Variants in SLC39A8 observed in about 807,000 individuals in gnomAD.
SLC39A8 encodes the protein solute carrier family 39 member 8.
A neutral mutation model predicts 40.4 loss-of-function variants in SLC39A8; 15 were observed. The observed-to-expected ratio is 0.37, with a 90% confidence interval of 0.25 to 0.57. The LOEUF (loss-of-function observed/expected upper bound fraction) is 0.57. Ranked by LOEUF, SLC39A8 falls within the 20% of genes least tolerant of loss-of-function variation. The probability of loss-of-function intolerance (pLI) is 0.75; values close to 1 mark genes in which losing one functional copy is unlikely to be tolerated. For missense variants in SLC39A8, 472 were observed against 558.8 expected, an observed-to-expected ratio of 0.84 and a Z score of 1.57; for synonymous variants, 223 against 221.6, an observed-to-expected ratio of 1.01 and a Z score of -0.06.
chr4:102,262,832 G>A lies in SLC39A8; in HGVS notation c.*212C>T. ...ATTTCCCAAAGGCTCCTATATACCA[G>A]GCATCTCAGACTGACACTGAAAACC... On this transcript the variant is annotated 3_prime_UTR_variant, in exon 9 of 9. Transcript: ENST00000356736. 7.5e-7 allele frequency: 1 copy of A among 1,333,828 alleles called. No individual in the cohort carries two copies. The highest frequency in any genetic ancestry group is 2.9e-5 in the East Asian group (1 of 34,678). The allele number at this position is 1,333,828 out of a possible 1,614,324, so 82.6% of individuals were successfully genotyped here.
At chr4:102,256,113 AATT>A (rs1414412464) in intron 11 of SLC39A8, among the ~76,000 whole-genome samples, 3 of 152,224 alleles carry the variant, frequency 2.0e-5, no homozygotes, top group Non-Finnish European at 4.4e-5. Context: ...GCTCGTACAT[AATT>A]ATTAGAGTAA....
At chr4:102,304,284 G>A (rs1734039352) in intron 6 of SLC39A8, 33 bp downstream of exon 6, 3 of 1,558,422 alleles carry the variant, frequency 1.9e-6, no homozygotes, top group Non-Finnish European at 2.6e-6. Context: ...AAAGAATGCA[G>A]TATAATGAAG....
At chr4:102,341,641 A>G (rs139983720) in intron 2 of SLC39A8, among the ~76,000 whole-genome samples, 290 of 152,354 alleles carry the variant, frequency 1.9e-3, no homozygotes, top group African/African-American at 6.3e-3. Flanking sequence ...GTCAGTAGCT[A>G]TAAGAAGCAA....
chr4:102,259,464 CCAAAGTAAATGAAGTTGAGATTTGATGT>C, downstream of SLC39A8: 1 of 1,546,330 alleles, frequency 6.5e-7, no homozygotes, highest in East Asian at 2.4e-5. Flanking sequence ...CCGTATATAT[CCAAAGTAAATGAAGTTGAGATTTGATGT>C]CATCAGTAGC....
chr4:102,327,565 G>A (rs1735270103), intron 2 of SLC39A8, among the ~76,000 whole-genome samples: 1 of 152,092 alleles, frequency 6.6e-6, no homozygotes, highest in Non-Finnish European at 1.5e-5. Context: ...CCAGACTCCA[G>A]ACATCCCTGT....
chr4:102,337,396 C>T (rs1040065592), intron 2 of SLC39A8, among the ~76,000 whole-genome samples: 4 of 152,106 alleles, frequency 2.6e-5, no homozygotes, highest in African/African-American at 9.7e-5. Context: ...GAAAGCATAA[C>T]AGCTGCAAAT....
chr4:102,322,484 T>C (rs1223996034), intron 2 of SLC39A8, among the ~76,000 whole-genome samples: 4 of 152,182 alleles, frequency 2.6e-5, no homozygotes, highest in African/African-American at 9.7e-5. Flanking sequence ...TCATAACCTA[T>C]AGGAAAACAA....
At chr4:102,320,001 C>G (rs1174202173) in intron 2 of SLC39A8, among the ~76,000 whole-genome samples, 1 of 151,246 alleles carries the variant, frequency 6.6e-6, no homozygotes, top group African/African-American at 2.4e-5. Flanking sequence ...CTTCAACCCT[C>G]CCTCTAGAGT....
intron 6 of SLC39A8, among the ~76,000 whole-genome samples, chr4:102,274,895 C>G (rs2149010616): frequency 6.6e-6 from 1 of 152,236 alleles, no homozygotes; most frequent in South Asian, 2.1e-4. Context: ...TACAGACAAT[C>G]AAATGCTGAG....
exon 12 of SLC39A8, chr4:102,251,142 A>G (rs1731576849): frequency 6.6e-6 from 1 of 152,200 alleles, no homozygotes; most frequent in South Asian, 2.1e-4. Flanking sequence ...TGATGCATAT[A>G]ATGTATAGGA....
At chr4:102,292,235 T>C (rs918165008) in intron 6 of SLC39A8, among the ~76,000 whole-genome samples, 1 of 152,076 alleles carries the variant, frequency 6.6e-6, no homozygotes, top group African/African-American at 2.4e-5. Context: ...GGTGAAGTGA[T>C]GAATATGTTA....
intron 6 of SLC39A8, among the ~76,000 whole-genome samples, chr4:102,281,606 A>G (rs1430344122): frequency 6.6e-6 from 1 of 152,208 alleles, no homozygotes; most frequent in African/African-American, 2.4e-5. Flanking sequence ...TGCAACCACC[A>G]TGACAGAACA....
At chr4:102,259,499 T>C, downstream of SLC39A8, 1 of 1,546,786 alleles carries the variant, frequency 6.5e-7, no homozygotes, top group Non-Finnish European at 8.7e-7. Flanking sequence ...ATGTCATCAG[T>C]AGCCCATTTG....
intron 2 of SLC39A8, among the ~76,000 whole-genome samples, chr4:102,328,526 G>C (rs959121796): frequency 3.9e-5 from 6 of 152,258 alleles, no homozygotes; most frequent in African/African-American, 1.4e-4. Flanking sequence ...GGTTATGTTG[G>C]TTTAAAATTA....
At chr4:102,330,773 CAATAA>C (rs1186116152) in intron 2 of SLC39A8, among the ~76,000 whole-genome samples, 2 of 152,154 alleles carry the variant, frequency 1.3e-5, no homozygotes, top group African/African-American at 4.8e-5. Context: ...CAAAACTCCT[CAATAA>C]AATACTGGCA....
intron 2 of SLC39A8, among the ~76,000 whole-genome samples, chr4:102,316,771 A>G (rs1734678742): frequency 6.6e-6 from 1 of 152,154 alleles, no homozygotes; most frequent in Non-Finnish European, 1.5e-5. Context: ...GTCTCCCCAG[A>G]TTCACATGTT....
intron 2 of SLC39A8, among the ~76,000 whole-genome samples, chr4:102,342,428 G>C (rs944854521): frequency 5.5e-4 from 83 of 152,272 alleles, no homozygotes; most frequent in African/African-American, 1.9e-3. Context: ...GAACCCAGAG[G>C]GGGAGGTTGT....
intron 6 of SLC39A8, among the ~76,000 whole-genome samples, chr4:102,288,132 A>G (rs907174692): frequency 2.0e-5 from 3 of 152,140 alleles, no homozygotes; most frequent in African/African-American, 7.2e-5. Context: ...GCATTGAGCA[A>G]GTCTATCAGC....
At chr4:102,329,440 T>C (rs11940755) in intron 2 of SLC39A8, among the ~76,000 whole-genome samples, 49 of 151,866 alleles carry the variant, frequency 3.2e-4, no homozygotes, top group African/African-American at 1.1e-3. Context: ...CTGACCAATA[T>C]GGTGAAACCC....
Sources: gnomAD v4.1 joint callset for allele counts (sites outside exome capture counted in the v4.1 genomes callset) on GRCh38, gnomAD v4.1.1 for gene constraint, MANE v1.5 for transcripts, NCBI Gene and HGNC (gene_info 2026-07-23, HGNC 2026-07-21) for gene names.